ADAM12: variants seen among roughly 807,000 people sequenced by gnomAD.
ADAM12 encodes the protein disintegrin and metalloproteinase domain-containing protein 12.
In ADAM12, 70 loss-of-function variants were observed where a neutral mutation model predicts 106.4. That is an observed-to-expected ratio of 0.66 (90% CI 0.54 to 0.80). The LOEUF (loss-of-function observed/expected upper bound fraction) is 0.80, where lower values mean the gene tolerates loss of function less well. ADAM12 is among the 30% of genes least tolerant of loss of function. ADAM12 has a pLI of 0.00. For synonymous variants in ADAM12, 420 were observed against 433.5 expected, an observed-to-expected ratio of 0.97 and a Z score of 0.39; for missense variants, 1,010 against 1,171.9, an observed-to-expected ratio of 0.86 and a Z score of 2.02.
intron 3 of ADAM12, among the ~76,000 whole-genome samples, chr10:126,236,789 G>C (rs2133639834): frequency 6.6e-6 from 1 of 152,270 alleles, no homozygotes; most frequent in Non-Finnish European, 1.5e-5. Flanking sequence ...GCAGGAAGGA[G>C]CCCATGAAGG....
chr10:126,222,264 T>A (rs1958108920), intron 3 of ADAM12, among the ~76,000 whole-genome samples: 2 of 151,966 alleles, frequency 1.3e-5, no homozygotes, highest in Non-Finnish European at 2.9e-5. Flanking sequence ...CATTTATTTC[T>A]ATAAAAAAAA....
rs1957488604 is a variant in ADAM12 at position 126,190,989 on chromosome 10, C to CTTTTTTTTTTTTTTTTTTTTTTT, written c.261-35685_261-35684insAAAAAAAAAAAAAAAAAAAAAAA. Among the ~76,000 whole-genome samples, 36 of 68,710 alleles carry CTTTTTTTTTTTTTTTTTTTTTTT rather than the reference C, an allele frequency of 5.2e-4. 18 individuals are homozygous for CTTTTTTTTTTTTTTTTTTTTTTT. The highest frequency in any genetic ancestry group is 1.1e-3 in the South Asian group (2 of 1,822). 45.1% of individuals were successfully genotyped at this position (68,710 alleles called of 152,430 possible). A position where few individuals can be genotyped will look rare whatever the true frequency, so the allele number is the denominator to read the frequency against. On this transcript the variant is annotated intron_variant, in intron 3 of 22. Transcript: ENST00000448723. ...TTTGAGTTGCCATGAGGAGTTTTGT[C>CTTTTTTTTTTTTTTTTTTTTTTT]CTTTTTTTTTTTTTTTTTTTTTTTT...
At chr10:126,239,413 G>A (rs756166962) in intron 3 of ADAM12, among the ~76,000 whole-genome samples, 1 of 152,078 alleles carries the variant, frequency 6.6e-6, no homozygotes, top group East Asian at 1.9e-4. Flanking sequence ...TGAAAATTTC[G>A]TCAGTCCTAC....
chr10:126,199,827 A>G (rs1017851053), intron 3 of ADAM12, among the ~76,000 whole-genome samples: 3 of 152,240 alleles, frequency 2.0e-5, no homozygotes, highest in Non-Finnish European at 4.4e-5. Flanking sequence ...GAGATTGTGC[A>G]TGACCTTGAG....
chr10:126,200,562 A>G (rs893798337), intron 3 of ADAM12, among the ~76,000 whole-genome samples: 1 of 152,108 alleles, frequency 6.6e-6, no homozygotes, highest in Non-Finnish European at 1.5e-5. Context: ...TTAATCGACA[A>G]CACCACGATA....
rs900446204 is a variant in ADAM12, at chr10:126,150,943, A to G, written c.339+4284T>C. 3.3e-5 allele frequency among the ~76,000 whole-genome samples: 5 copies of G among 152,326 alleles called. No individual in the cohort carries two copies. The South Asian group carries it at 1.0e-3, about 32-fold the overall frequency. On this transcript the variant is annotated intron_variant, in intron 4 of 22. Transcript: ENST00000448723. ...TTACTTCCTTAGTGAAATGGCGTCC[A>G]AAGAATTAAAATCAGCCACAATTAA... is the stretch of plus-strand genomic sequence containing the variant.
chr10:126,285,375 C>T (rs1230996427), intron 2 of ADAM12, among the ~76,000 whole-genome samples: 4 of 152,236 alleles, frequency 2.6e-5, no homozygotes, highest in South Asian at 2.1e-4. Context: ...TACTACACTG[C>T]CTCTTAGGCC....
At chr10:126,088,803 C>G (rs538326781) in intron 11 of ADAM12, among the ~76,000 whole-genome samples, 1 of 151,830 alleles carries the variant, frequency 6.6e-6, no homozygotes, top group Non-Finnish European at 1.5e-5. Context: ...CGTGTCCAGG[C>G]AGGTGTGCCA....
chr10:126,246,519 TG>T (rs1387652831), intron 3 of ADAM12, among the ~76,000 whole-genome samples: 1 of 152,000 alleles, frequency 6.6e-6, no homozygotes, highest in Non-Finnish European at 1.5e-5. Context: ...AGCAGCACAT[TG>T]AAAAGCTTAT....
chr10:126,294,156 C>T (rs1226399616), intron 2 of ADAM12, among the ~76,000 whole-genome samples: 1 of 152,204 alleles, frequency 6.6e-6, no homozygotes, highest in Non-Finnish European at 1.5e-5. Context: ...GAACCTGACA[C>T]TGTGCTAAGT....
intron 2 of ADAM12, among the ~76,000 whole-genome samples, chr10:126,323,667 G>C (rs533868826): frequency 6.6e-6 from 1 of 152,174 alleles, no homozygotes; most frequent in Non-Finnish European, 1.5e-5. Context: ...GGCACAGGCT[G>C]GTTGGGAGAA....
At chr10:126,149,233 T>C (rs1956685487) in intron 4 of ADAM12, among the ~76,000 whole-genome samples, 1 of 152,208 alleles carries the variant, frequency 6.6e-6, no homozygotes, top group South Asian at 2.1e-4. Context: ...CCGCACCACA[T>C]GGAGACAAAC....
In ADAM12 at chr10:126,381,844, G is replaced by A. The variant is rs375736610; in HGVS notation, c.88+6214C>T. Among the ~76,000 whole-genome samples, 397 of 152,040 alleles carry A rather than the reference G, an allele frequency of 2.6e-3. 6 individuals carry two copies. In the South Asian group the frequency reaches 0.036, roughly 14 times the overall value. On this transcript the variant is annotated intron_variant, in intron 1 of 22. Transcript: ENST00000448723. Reference sequence around the variant, plus strand: ...GAACAAATTAGTTGGGCATGGTAGTGTGTGCCTGGAGTCCCAGCTACTAGG... The same window carrying A: ...GAACAAATTAGTTGGGCATGGTAGTATGTGCCTGGAGTCCCAGCTACTAGG...
intron 1 of ADAM12, among the ~76,000 whole-genome samples, chr10:126,338,187 T>C (rs1854777105): frequency 6.6e-6 from 1 of 151,648 alleles, no homozygotes; most frequent in Non-Finnish European, 1.5e-5. Context: ...AACATAACTG[T>C]CCATGCCTAT....
intron 11 of ADAM12, among the ~76,000 whole-genome samples, chr10:126,075,465 C>T (rs574962143): frequency 6.6e-6 from 1 of 152,244 alleles, no homozygotes; most frequent in South Asian, 2.1e-4. Flanking sequence ...AATCTCAGCC[C>T]TCATGGAGCT....
intron 3 of ADAM12, among the ~76,000 whole-genome samples, chr10:126,219,005 C>T (rs901292830): frequency 6.6e-6 from 1 of 152,168 alleles, no homozygotes; most frequent in Non-Finnish European, 1.5e-5. Context: ...GGTAATGTTA[C>T]CCTCAATTTA....
chr10:126,198,151 C>T (rs887954739), intron 3 of ADAM12, among the ~76,000 whole-genome samples: 5 of 152,328 alleles, frequency 3.3e-5, no homozygotes, highest in Admixed American at 1.3e-4. Flanking sequence ...CTTGAGTCCA[C>T]GGCCCTCCCT....
At chr10:126,343,357 C>G (rs1855008610) in intron 1 of ADAM12, among the ~76,000 whole-genome samples, 1 of 152,172 alleles carries the variant, frequency 6.6e-6, no homozygotes, top group African/African-American at 2.4e-5. Context: ...AGGATATCAA[C>G]TCATCATTTT....
Position 126,238,976 on chromosome 10 carries a change from G to A in ADAM12, c.260+39939C>T, listed in dbSNP as rs552131548. 2.0e-4 allele frequency among the ~76,000 whole-genome samples: 31 copies of A among 152,340 alleles called. No homozygotes were observed. In the South Asian group the frequency reaches 5.8e-3, roughly 28 times the overall value. On this transcript the variant is annotated intron_variant, in intron 3 of 22. Transcript: ENST00000448723. ...TTCATAGAGAAAGAGATAAAAGAGA[G>A]AAGGTTTCAGGGACTAAAATAGTTA...
Sources: gnomAD v4.1 joint callset for allele counts (sites outside exome capture counted in the v4.1 genomes callset) on GRCh38, gnomAD v4.1.1 for gene constraint, MANE v1.5 for transcripts, NCBI Gene and HGNC (gene_info 2026-07-23, HGNC 2026-07-21) for gene names.